Variants in AHCY observed in about 807,000 individuals in gnomAD.
AHCY encodes the protein S-adenosyl-L-homocysteine hydrolase.
In AHCY, 24 loss-of-function variants were observed where a neutral mutation model predicts 45.4. That is an observed-to-expected ratio of 0.53 (90% CI 0.38 to 0.74). The LOEUF (loss-of-function observed/expected upper bound fraction) is 0.74, where lower values mean the gene tolerates loss of function less well. Among genes scored for constraint, AHCY ranks in the 30% least tolerant of loss-of-function variants. The pLI, the probability that AHCY is intolerant of heterozygous loss-of-function variation, is 0.00. For missense variants in AHCY, 449 were observed against 594.1 expected (o/e 0.76, Z 2.54); for synonymous variants, 245 against 235.1 (o/e 1.04, Z -0.39).
chr20:34,270,356 C>T, the AHCY span, among the ~76,000 whole-genome samples: 2 of 152,198 alleles, frequency 1.3e-5, no homozygotes, highest in African/African-American at 4.8e-5. Context: ...CACACACCCC[C>T]ACACAGGAAA....
the AHCY span, among the ~76,000 whole-genome samples, chr20:34,262,261 C>A: frequency 6.6e-6 from 1 of 152,182 alleles, no homozygotes. Context: ...GACAATACTG[C>A]AAGGCAGATA....
At chr20:34,260,386 C>A in the AHCY span, 2 of 1,613,650 alleles carry the variant, frequency 1.2e-6, no homozygotes, top group Non-Finnish European at 1.7e-6. Context: ...TGGATGTCAC[C>A]CGCTTACTCC....
the AHCY span, chr20:34,246,418 C>T: frequency 7.4e-7 from 1 of 1,358,776 alleles, no homozygotes; most frequent in South Asian, 1.2e-5. Flanking sequence ...ATTCACAGTA[C>T]TCTGTTGGTA....
At chr20:34,236,403 G>A in the AHCY span, among the ~76,000 whole-genome samples, 1 of 152,158 alleles carries the variant, frequency 6.6e-6, no homozygotes, top group Admixed American at 6.5e-5. Context: ...AATTAGCCAG[G>A]CATGGTGGTG....
chr20:34,269,056 C>G, the AHCY span: 1 of 1,600,714 alleles, frequency 6.2e-7, no homozygotes, highest in Non-Finnish European at 8.5e-7. Context: ...GCGTGGCCAC[C>G]CGCAACAGCT....
the AHCY span, among the ~76,000 whole-genome samples, chr20:34,260,910 T>A: frequency 6.6e-6 from 1 of 152,092 alleles, no homozygotes; most frequent in Admixed American, 6.6e-5. Context: ...CATGTCAGGG[T>A]TGGGAATGAA....
At chr20:34,257,067 TCTC>T in the AHCY span, among the ~76,000 whole-genome samples, 220 of 87,488 alleles carry the variant, frequency 2.5e-3, 1 homozygote, top group South Asian at 0.014. Flanking sequence ...TCTCTTTCTT[TCTC>T]TTTTTTTTTT....
upstream of AHCY, among the ~76,000 whole-genome samples, chr20:34,305,276 A>G (rs537691103): frequency 1.8e-4 from 28 of 152,082 alleles, no homozygotes; most frequent in South Asian, 5.8e-3. Context: ...GTGAGCCGAG[A>G]TCGCACCACT....
the AHCY span, chr20:34,246,584 C>T: frequency 1.4e-6 from 1 of 725,304 alleles, no homozygotes; most frequent in Non-Finnish European, 2.4e-6. Flanking sequence ...CCCACCTCAG[C>T]CTCCTAGGAC....
chr20:34,285,640 C>T lies in AHCY; in HGVS notation c.973-6G>A, dbSNP rs771220780. On this transcript the variant is annotated splice_polypyrimidine_tract_variant and splice_region_variant and intron_variant, in intron 8 of 9. Coordinates refer to ENST00000217426, the MANE Select transcript of AHCY (RefSeq NM_000687.4). The stretch of plus-strand genomic sequence containing the variant: ...TTCAACCGATACCGGTCCACCTACA[C>T]GCAGGCAGGGCAACAGTGAAGGCAG... 15 of 1,612,318 alleles carry T rather than the reference C, an allele frequency of 9.3e-6. No homozygotes were observed. The highest frequency in any genetic ancestry group is 5.3e-5 in the African/African-American group (4 of 74,906).
At chr20:34,251,573 C>T in the AHCY span, among the ~76,000 whole-genome samples, 1 of 152,202 alleles carries the variant, frequency 6.6e-6, no homozygotes. Flanking sequence ...CGCGCCTGAC[C>T]TTCTCTGTGT....
chr20:34,249,207 C>T, the AHCY span, among the ~76,000 whole-genome samples: 1 of 151,970 alleles, frequency 6.6e-6, no homozygotes, highest in African/African-American at 2.4e-5. Flanking sequence ...AAGTAACTTG[C>T]CAGAAGTCAC....
chr20:34,297,242 C>T (rs895405637), intron 1 of AHCY, among the ~76,000 whole-genome samples: 1 of 152,018 alleles, frequency 6.6e-6, no homozygotes, highest in Non-Finnish European at 1.5e-5. Context: ...CCCACTGAAC[C>T]CAGCAGGAGG....
chr20:34,303,194 C>T, intron 1 of AHCY, 49 bp downstream of exon 1: 2 of 1,550,422 alleles, frequency 1.3e-6, no homozygotes, highest in Non-Finnish European at 1.7e-6. Context: ...CGAACAAGCC[C>T]CGGGCGGGTG....
chr20:34,255,663 GA>G, the AHCY span, among the ~76,000 whole-genome samples: 1 of 152,094 alleles, frequency 6.6e-6, no homozygotes, highest in African/African-American at 2.4e-5. Context: ...TATAACCTAG[GA>G]AAAACCAGGC....
chr20:34,290,585 T>C lies in AHCY; in HGVS notation c.820A>G (p.Thr274Ala). The change falls in exon 7 of 10, where the codon ACC (threonine) becomes GCC (alanine). Residue 274 changes from threonine to alanine, a missense_variant. By Grantham distance (58) the Thr-to-Ala change is moderately conservative. Coordinates refer to ENST00000217426, the MANE Select transcript of AHCY (RefSeq NM_000687.4). This position sits in a 1 kb window ranked among gnomAD's most constrained non-coding sequence, Gnocchi z 4.5. The part of the protein sequence containing the change: ...EACQEGNIFV[T>A]TTGCIDIILG... ...ATGATGTCAATACAGCCTGTGGTGG[T>C]GACAAAGATGTTGCCCTCCTGACAG... The C allele has an allele frequency of 5.0e-6, 8 of 1,614,148 alleles. No individual in the cohort carries two copies. The highest frequency in any genetic ancestry group is 1.1e-5 in the South Asian group (1 of 91,078).
chr20:34,295,794 C>T (rs1053616943), intron 1 of AHCY, among the ~76,000 whole-genome samples: 4 of 152,224 alleles, frequency 2.6e-5, no homozygotes, highest in Non-Finnish European at 5.9e-5. Flanking sequence ...ACCTTTCTGA[C>T]TTGTGGGAGA....
chr20:34,269,189 A>C, the AHCY span: 1 of 1,481,908 alleles, frequency 6.7e-7, no homozygotes, highest in Non-Finnish European at 9.0e-7. Context: ...CCCGGCCGCG[A>C]GCAGGCAGGG....
the AHCY span, chr20:34,241,554 A>C: frequency 7.1e-6 from 7 of 984,158 alleles, no homozygotes; most frequent in Non-Finnish European, 8.4e-6. Context: ...TGGAAAGTTG[A>C]AAGGACTTAA....
Sources: gnomAD v4.1 joint callset for allele counts (sites outside exome capture counted in the v4.1 genomes callset) on GRCh38, gnomAD v4.1.1 for gene constraint, Gnocchi (gnomAD v3.1) non-coding constraint, MANE v1.5 for transcripts, NCBI Gene and HGNC (gene_info 2026-07-23, HGNC 2026-07-21) for gene names.